CNTN4: variants seen among roughly 807,000 people sequenced by gnomAD.
CNTN4 encodes contactin 4.
In CNTN4, 77 loss-of-function variants were observed where a neutral mutation model predicts 122.5. That is an observed-to-expected ratio of 0.63 (90% CI 0.52 to 0.76). CNTN4 has a LOEUF of 0.76. Among genes scored for constraint, CNTN4 ranks in the 30% least tolerant of loss-of-function variants. The pLI is 0.00. For missense variants in CNTN4, 1,256 were observed against 1,259.1 expected (o/e 1.00, Z 0.04); for synonymous variants, 512 against 447.0 (o/e 1.15, Z -1.83).
intron 3 of CNTN4, among the ~76,000 whole-genome samples, chr3:2,352,054 T>A (rs1022135091): frequency 6.6e-6 from 1 of 152,212 alleles, no homozygotes; most frequent in Non-Finnish European, 1.5e-5. Context: ...CATCACATTT[T>A]ACTCATAAGT....
rs963876524 is a variant in CNTN4 at position 2,169,556 on chromosome 3, C to A, written c.-145+68917C>A. Among the ~76,000 whole-genome samples the A allele has an allele frequency of 1.1e-4, 16 of 145,710 alleles. No individual in the cohort carries two copies. The East Asian group carries it at 2.5e-3, about 23-fold the overall frequency. On this transcript the variant is annotated intron_variant, in intron 2 of 24. Coordinates refer to ENST00000418658, the MANE Select transcript of CNTN4 (RefSeq NM_175607.3). ...CGAGTAGCTGGGACTACAGGCGCCG[C>A]CACCACGCCCGGCTGATTTTTTTGT...
At chr3:2,822,723 T>A (rs2092903956) in intron 7 of CNTN4, among the ~76,000 whole-genome samples, 1 of 152,208 alleles carries the variant, frequency 6.6e-6, no homozygotes, top group Non-Finnish European at 1.5e-5. Flanking sequence ...GCTGTGCTGC[T>A]ACGCAATGAA....
intron 13 of CNTN4, among the ~76,000 whole-genome samples, chr3:2,952,678 A>T (rs2094758281): frequency 6.6e-6 from 1 of 152,186 alleles, no homozygotes; most frequent in South Asian, 2.1e-4. Flanking sequence ...ATGGCATTGT[A>T]TGACTTTGTC....
intron 3 of CNTN4, among the ~76,000 whole-genome samples, chr3:2,406,016 G>C (rs1233600502): frequency 6.6e-6 from 1 of 150,832 alleles, no homozygotes; most frequent in Non-Finnish European, 1.5e-5. Context: ...GACAGAGTAA[G>C]AGCTTATCTT....
chr3:2,703,825 C>CA (rs941845562), intron 4 of CNTN4, among the ~76,000 whole-genome samples: 48 of 149,894 alleles, frequency 3.2e-4, no homozygotes, highest in East Asian at 9.7e-4. Context: ...TTTATTTGAC[C>CA]AAAAAAAATG....
chr3:2,662,630 A>G (rs80233113), intron 4 of CNTN4, among the ~76,000 whole-genome samples: 1 of 152,174 alleles, frequency 6.6e-6, no homozygotes, highest in Admixed American at 6.5e-5. Flanking sequence ...GCAGCTAACT[A>G]GTCTCAACCT....
intron 2 of CNTN4, among the ~76,000 whole-genome samples, chr3:2,318,099 C>T (rs1200872898): frequency 6.6e-6 from 1 of 151,876 alleles, no homozygotes; most frequent in Non-Finnish European, 1.5e-5. Context: ...GTAGTTCCAG[C>T]TACTTGGAAG....
intron 4 of CNTN4, among the ~76,000 whole-genome samples, chr3:2,575,980 A>C (rs542527590): frequency 1.3e-5 from 2 of 151,768 alleles, no homozygotes; most frequent in African/African-American, 2.4e-5. Flanking sequence ...GACTACAGGC[A>C]CATGCCACCA....
intron 7 of CNTN4, among the ~76,000 whole-genome samples, chr3:2,834,998 G>T (rs536309612): frequency 7.4e-6 from 1 of 135,558 alleles, no homozygotes; most frequent in Non-Finnish European, 1.5e-5. Flanking sequence ...TCCGCCTCCC[G>T]GGTTCACACC....
At chr3:3,032,815 G>T (rs1401017186) in intron 16 of CNTN4, among the ~76,000 whole-genome samples, 3 of 152,150 alleles carry the variant, frequency 2.0e-5, no homozygotes, top group African/African-American at 7.2e-5. Flanking sequence ...TTATCATTTT[G>T]TTCAGAGGAC....
chr3:2,523,841 C>A (rs1023106707), intron 3 of CNTN4, among the ~76,000 whole-genome samples: 2 of 151,926 alleles, frequency 1.3e-5, no homozygotes, highest in Non-Finnish European at 2.9e-5. Context: ...ATCAAAATAA[C>A]CCTTGTTTTG....
At chr3:2,234,134 C>T (rs915543090) in intron 2 of CNTN4, among the ~76,000 whole-genome samples, 8 of 151,900 alleles carry the variant, frequency 5.3e-5, no homozygotes, top group Non-Finnish European at 8.8e-5. Flanking sequence ...AAGAAATTTT[C>T]TTGGGAGGCC....
intron 3 of CNTN4, chr3:2,362,629 G>T: frequency 2.2e-6 from 1 of 461,526 alleles, no homozygotes. Flanking sequence ...AGGGCTGAGG[G>T]CCTAGGAGAT....
rs191977233 is a variant in CNTN4 at position 2,512,096 on chromosome 3, A to G, written c.-88-59320A>G. ...ATGCCTGTATAAAAGAAGTGCCTGT[A>G]TTTCCAGAATTTAAATTTAACATAG... On this transcript the variant is annotated intron_variant, in intron 3 of 24. Coordinates refer to ENST00000418658, the MANE Select transcript of CNTN4 (RefSeq NM_175607.3). 1.1e-4 allele frequency among the ~76,000 whole-genome samples: 16 copies of G among 152,294 alleles called. No individual in the cohort carries two copies. The East Asian group carries it at 3.1e-3, about 29-fold the overall frequency.
At chr3:2,567,227 C>T (rs2079207380) in intron 3 of CNTN4, among the ~76,000 whole-genome samples, 1 of 152,054 alleles carries the variant, frequency 6.6e-6, no homozygotes, top group South Asian at 2.1e-4. Flanking sequence ...GCTGGGACTA[C>T]AGGCATGTGC....
intron 2 of CNTN4, among the ~76,000 whole-genome samples, chr3:2,232,179 A>G (rs2039512212): frequency 6.6e-6 from 1 of 152,138 alleles, no homozygotes; most frequent in Admixed American, 6.6e-5. Flanking sequence ...CAATGACCTG[A>G]ACCAGAAATT....
At chr3:3,035,174 G>C (rs1028078821) in intron 17 of CNTN4, among the ~76,000 whole-genome samples, 8 of 151,854 alleles carry the variant, frequency 5.3e-5, no homozygotes, top group Admixed American at 2.6e-4. Context: ...CTGGCATGGT[G>C]GTGCGTGCCT....
At chr3:2,781,764 G>T (rs564510889) in intron 6 of CNTN4, among the ~76,000 whole-genome samples, 7 of 114,906 alleles carry the variant, frequency 6.1e-5, no homozygotes, top group African/African-American at 1.6e-4. Flanking sequence ...TCGCTCTGTC[G>T]CCCAGGCTGG....
Position 2,455,670 on chromosome 3 carries a change from TTTCAATAAA to T in CNTN4, c.-88-115743_-88-115735del, listed in dbSNP as rs2048972800. On this transcript the variant is annotated intron_variant, in intron 3 of 24. Transcript: ENST00000418658. ...AAAATATGCAAAGTTAAATTCAGTG[TTTCAATAAA>T]TTGTTTGTTTAGCCAGACGTGTCTG... Among the ~76,000 whole-genome samples, 4 of 152,228 alleles carry T rather than the reference TTTCAATAAA, an allele frequency of 2.6e-5. No homozygotes were observed. The South Asian group carries it at 8.3e-4, about 32-fold the overall frequency.
Sources: allele counts gnomAD v4.1 joint callset (sites outside exome capture counted in the v4.1 genomes callset), GRCh38; gene constraint gnomAD v4.1.1; transcripts MANE v1.5; gene names NCBI Gene and HGNC (gene_info 2026-07-23, HGNC 2026-07-21).